Variants in OASL observed in about 807,000 individuals in gnomAD.
OASL encodes the protein 2'-5'-oligoadenylate synthetase like.
In OASL, 28 loss-of-function variants were observed where a neutral mutation model predicts 35.3. The observed-to-expected ratio is 0.79, with a 90% CI of 0.59 to 1.09. The LOEUF is 1.09. OASL is among the 50% of genes least tolerant of loss of function. The pLI is 0.00. For missense variants in OASL, 620 were observed against 635.2 expected (o/e 0.98, Z 0.26); for synonymous variants, 252 against 254.6 (o/e 0.99, Z 0.10).
exon 6 of OASL, chr12:121,020,294 C>G: frequency 3.0e-6 from 1 of 337,568 alleles, no homozygotes; most frequent in Non-Finnish European, 5.5e-6. Context: ...CAACCACACC[C>G]AGTGAATTAT....
exon 2 of OASL, chr12:121,033,573 G>C: frequency 3.7e-6 from 6 of 1,614,138 alleles, no homozygotes; most frequent in Non-Finnish European, 4.2e-6. Flanking sequence ...TCAGGTCCTC[G>C]AGCCCGAGGT....
downstream of OASL, among the ~76,000 whole-genome samples, chr12:121,018,116 T>C (rs1466231485): frequency 6.6e-6 from 1 of 152,036 alleles, no homozygotes; most frequent in Non-Finnish European, 1.5e-5. Context: ...ACTCCCAAGG[T>C]GATGGTATTA....
chr12:121,018,869 CAAAAA>C (rs1158102389), downstream of OASL, among the ~76,000 whole-genome samples: 3 of 55,296 alleles, frequency 5.4e-5, no homozygotes, highest in Non-Finnish European at 1.0e-4. Context: ...GACTCCATCT[CAAAAA>C]AAAAAAAAAA....
intron 1 of OASL, 25 bp downstream of exon 1, chr12:121,038,749 G>C: frequency 3.7e-6 from 6 of 1,610,858 alleles, no homozygotes; most frequent in African/African-American, 2.7e-5. Flanking sequence ...TGTCTTGCGT[G>C]GGGGCTGGAG....
chr12:121,024,210 G>A, intron 4 of OASL, 73 bp from the exon 5 acceptor site: 1 of 1,527,260 alleles, frequency 6.5e-7, no homozygotes. Flanking sequence ...AACCTTCTCG[G>A]CAATTATTTC....
chr12:121,034,223 C>A (rs1869865029), intron 1 of OASL, among the ~76,000 whole-genome samples: 1 of 150,994 alleles, frequency 6.6e-6, no homozygotes, highest in Non-Finnish European at 1.5e-5. Flanking sequence ...CAGGGTTTCA[C>A]TCCCGTTGCC....
At chr12:121,033,361 A>C (rs1869818205) in intron 2 of OASL, 100 bp downstream of exon 2, 1 of 1,189,974 alleles carries the variant, frequency 8.4e-7, no homozygotes, top group Admixed American at 2.1e-5. Context: ...GAAATGAATA[A>C]ATGTGGGTGT....
At chr12:121,034,386 C>G (rs1172297784) in intron 1 of OASL, among the ~76,000 whole-genome samples, 1 of 152,060 alleles carries the variant, frequency 6.6e-6, no homozygotes, top group South Asian at 2.1e-4. Context: ...AGGCTGGTCT[C>G]GAACTCCTGG....
At chr12:121,038,279 G>A (rs181505996) in intron 1 of OASL, among the ~76,000 whole-genome samples, 9 of 152,220 alleles carry the variant, frequency 5.9e-5, no homozygotes, top group South Asian at 2.1e-4. Context: ...TTCAGTGTTC[G>A]TGTCCAAACA....
At chr12:121,030,329 C>T (rs576301370) in intron 3 of OASL, among the ~76,000 whole-genome samples, 24 of 152,232 alleles carry the variant, frequency 1.6e-4, no homozygotes, top group African/African-American at 5.1e-4. Context: ...CTCAGCCTCC[C>T]GAGTAGCTGG....
chr12:121,021,156 A>T, intron 5 of OASL, 98 bp from the exon 6 acceptor site: 2 of 1,282,160 alleles, frequency 1.6e-6, no homozygotes, highest in Non-Finnish European at 2.1e-6. Context: ...CAATAGTAGC[A>T]GCAGCAGCGG....
chr12:121,030,266 G>A (rs955654536), intron 3 of OASL, among the ~76,000 whole-genome samples: 4 of 152,186 alleles, frequency 2.6e-5, no homozygotes, highest in African/African-American at 7.2e-5. Flanking sequence ...GTACAGTGGC[G>A]CGATCTCGGC....
chr12:121,031,829 T>A (rs1000424759), intron 2 of OASL, among the ~76,000 whole-genome samples: 1 of 152,180 alleles, frequency 6.6e-6, no homozygotes, highest in Non-Finnish European at 1.5e-5. Context: ...TTTCCATGCA[T>A]CAGACCCCTC....
chr12:121,025,273 G>A (rs1389143943), intron 4 of OASL, among the ~76,000 whole-genome samples: 3 of 151,950 alleles, frequency 2.0e-5, no homozygotes, highest in Non-Finnish European at 2.9e-5. Flanking sequence ...ACCGGTGCCC[G>A]GCCTAGATTG....
At chr12:121,020,341 C>T (rs1869177425) in exon 6 of OASL, 4 of 487,890 alleles carry the variant, frequency 8.2e-6, no homozygotes. Flanking sequence ...CCCTGTGATA[C>T]CCAGGCTGGT....
At chr12:121,029,223 G>A (rs1329382513) in intron 3 of OASL, among the ~76,000 whole-genome samples, 1 of 151,486 alleles carries the variant, frequency 6.6e-6, no homozygotes, top group Admixed American at 6.6e-5. Flanking sequence ...CCATCCCAAA[G>A]TCAGAGGAGA....
exon 6 of OASL, chr12:121,020,747 G>C: frequency 6.2e-7 from 1 of 1,614,170 alleles, no homozygotes; most frequent in South Asian, 1.1e-5. Flanking sequence ...GGATGAAGCT[G>C]TTGGGGTTGA....
rs1869826126 is a variant in OASL at position 121,033,521 on chromosome 12, G to GA, written c.420_421insT (p.Gln141SerfsTer32). ...ATGGGCTCCGCAGTCCCCCTGGTCT[G>GA]GATGGTGAAGACGAGAGCATCGGGG... On this transcript the variant is annotated frameshift_variant, in exon 2 of 6. Coordinates refer to ENST00000257570, the Ensembl canonical transcript of OASL. LOFTEE classifies it high-confidence loss of function. 1 of 1,614,008 alleles carries GA rather than the reference G, an allele frequency of 6.2e-7. No individual in the cohort carries two copies. Among genetic ancestry groups the GA allele is most frequent in the African/African-American group, 1.3e-5 (1 of 74,900 alleles).
chr12:121,035,687 G>A (rs112756484), intron 1 of OASL, among the ~76,000 whole-genome samples: 45 of 152,306 alleles, frequency 3.0e-4, no homozygotes, highest in South Asian at 2.7e-3. Flanking sequence ...CAGAACTCAA[G>A]TAGGGGATGG....
Sources: gnomAD v4.1 joint callset for allele counts (sites outside exome capture counted in the v4.1 genomes callset) on GRCh38, gnomAD v4.1.1 for gene constraint, MANE v1.5 for transcripts, NCBI Gene and HGNC (gene_info 2026-07-23, HGNC 2026-07-21) for gene names.